Variants in PAPPA observed in about 807,000 individuals in gnomAD.
PAPPA encodes pappalysin 1.
PAPPA carries 60 observed loss-of-function variants against 164.0 expected under a neutral mutation model. The ratio of observed to expected loss-of-function variants is 0.37; its 90% CI spans 0.30 to 0.45. The LOEUF (loss-of-function observed/expected upper bound fraction) is 0.45, where lower values mean the gene tolerates loss of function less well. Ranked by LOEUF, PAPPA falls within the 20% of genes least tolerant of loss-of-function variation. The pLI, the probability that PAPPA is intolerant of heterozygous loss-of-function variation, is 1.00. For missense variants in PAPPA, 1,782 were observed against 2,087.3 expected, an observed-to-expected ratio of 0.85 and a Z score of 2.85; for synonymous variants, 875 against 814.1, an observed-to-expected ratio of 1.07 and a Z score of -1.27.
chr9:116,291,499 C>T (rs1481570563), intron 9 of PAPPA, among the ~76,000 whole-genome samples: 1 of 152,138 alleles, frequency 6.6e-6, no homozygotes, highest in African/African-American at 2.4e-5. Flanking sequence ...GGGACATCTT[C>T]AGAATCATTG....
intron 7 of PAPPA, among the ~76,000 whole-genome samples, chr9:116,263,540 C>A (rs558274101): frequency 6.6e-6 from 1 of 152,112 alleles, no homozygotes; most frequent in Non-Finnish European, 1.5e-5. Context: ...TGATAATTAA[C>A]CATTAATTGT....
intron 7 of PAPPA, among the ~76,000 whole-genome samples, chr9:116,255,784 G>T (rs888390567): frequency 2.0e-5 from 3 of 151,920 alleles, no homozygotes; most frequent in African/African-American, 7.2e-5. Flanking sequence ...AAATCTACAT[G>T]TTTGGTGAAA....
chr9:116,243,963 G>C (rs1844766312), intron 7 of PAPPA, among the ~76,000 whole-genome samples: 1 of 152,122 alleles, frequency 6.6e-6, no homozygotes, highest in Non-Finnish European at 1.5e-5. Flanking sequence ...TCCAAGCCCA[G>C]AATGAATACC....
At chr9:116,203,467 AG>A (rs1844194441) in intron 2 of PAPPA, among the ~76,000 whole-genome samples, 1 of 152,208 alleles carries the variant, frequency 6.6e-6, no homozygotes, top group African/African-American at 2.4e-5. Context: ...TGGAAAAGAC[AG>A]ATGCTCACAC....
At chr9:116,386,423 T>C (rs1846812756) in intron 21 of PAPPA, among the ~76,000 whole-genome samples, 1 of 152,222 alleles carries the variant, frequency 6.6e-6, no homozygotes, top group Admixed American at 6.5e-5. Context: ...AACTATTGCA[T>C]ATTTCAGACA....
chr9:116,326,963 A>G (rs1270047080), intron 10 of PAPPA, among the ~76,000 whole-genome samples: 1 of 152,208 alleles, frequency 6.6e-6, no homozygotes, highest in African/African-American at 2.4e-5. Flanking sequence ...TATATCACAT[A>G]TTCTTTATCC....
intron 2 of PAPPA, among the ~76,000 whole-genome samples, chr9:116,192,000 G>A (rs989016226): frequency 6.6e-6 from 1 of 152,140 alleles, no homozygotes; most frequent in South Asian, 2.1e-4. Flanking sequence ...CTGTATGGAG[G>A]GGATTTCCTG....
intron 17 of PAPPA, among the ~76,000 whole-genome samples, chr9:116,360,166 C>A (rs1417549614): frequency 6.6e-6 from 1 of 152,240 alleles, no homozygotes; most frequent in African/African-American, 2.4e-5. Context: ...AATCCAAATG[C>A]ATCACAGGCC....
At chr9:116,168,015 C>G (rs1843735260) in intron 1 of PAPPA, among the ~76,000 whole-genome samples, 1 of 152,138 alleles carries the variant, frequency 6.6e-6, no homozygotes, top group South Asian at 2.1e-4. Flanking sequence ...TGTTGACTTC[C>G]ACATCAGTGC....
chr9:116,355,438 T>G (rs1846340190), intron 17 of PAPPA, among the ~76,000 whole-genome samples: 1 of 152,154 alleles, frequency 6.6e-6, no homozygotes, highest in South Asian at 2.1e-4. Context: ...CTGAGTCCAG[T>G]AGGCACCACC....
chr9:116,221,568 A>AAG (rs1428915864), intron 5 of PAPPA, among the ~76,000 whole-genome samples: 2 of 152,178 alleles, frequency 1.3e-5, no homozygotes, highest in Non-Finnish European at 2.9e-5. Flanking sequence ...TTGGAGCTGA[A>AAG]AGAGGCTGAA....
At chr9:116,169,767 T>C (rs1424170857) in intron 1 of PAPPA, among the ~76,000 whole-genome samples, 1 of 151,116 alleles carries the variant, frequency 6.6e-6, no homozygotes, top group East Asian at 1.9e-4. Context: ...TGCCAGGAAG[T>C]TATCAGAGAG....
In PAPPA at chr9:116,382,599, A is replaced by G. The variant is rs1241810373; in HGVS notation, c.4776+106A>G. 3 of 756,268 alleles carry G rather than the reference A, an allele frequency of 4.0e-6. No individual in the cohort carries two copies. The African/African-American group carries it at 5.2e-5, about 13-fold the overall frequency. The allele number at this position is 756,268 out of a possible 1,614,324, so 46.8% of individuals were successfully genotyped here. A position where few individuals can be genotyped will look rare whatever the true frequency, so the allele number is the denominator to read the frequency against. Reference sequence around the variant, plus strand: ...GGACAACCCTTGTCCTAACTCTGCCAGCACTGTCCACACGCTTTATTTCTT... The same window carrying G: ...GGACAACCCTTGTCCTAACTCTGCCGGCACTGTCCACACGCTTTATTTCTT... On this transcript the variant is annotated intron_variant, in intron 21 of 21. Transcript: ENST00000328252.
intron 6 of PAPPA, among the ~76,000 whole-genome samples, chr9:116,233,816 CT>C (rs574645261): frequency 5.6e-4 from 84 of 150,044 alleles, no homozygotes; most frequent in Non-Finnish European, 7.1e-4. Context: ...AAGCAAAGAT[CT>C]TTTTTTTTTC....
chr9:116,224,440 T>C (rs1016178345), intron 5 of PAPPA, among the ~76,000 whole-genome samples: 1 of 152,222 alleles, frequency 6.6e-6, no homozygotes, highest in Non-Finnish European at 1.5e-5. Context: ...AAAGATGTTC[T>C]AGGCTTTCTC....
rs1354855100 is a variant in PAPPA at position 116,318,650 on chromosome 9, GC to G, written c.3148-12593del. On this transcript the variant is annotated intron_variant, in intron 10 of 21. Transcript: ENST00000328252. ...TGTGAAGTCACCCACGGACCATCTG[GC>G]TGGGGATCCCGTGTTCCTCCTCTGC... The G allele has an allele frequency of 3.9e-5, 6 of 152,276 alleles. No homozygotes were observed. The East Asian group carries it at 1.2e-3, about 29-fold the overall frequency. 9.4% of individuals were successfully genotyped at this position (152,276 alleles called of 1,614,324 possible). A position where few individuals can be genotyped will look rare whatever the true frequency, so the allele number is the denominator to read the frequency against.
intron 7 of PAPPA, among the ~76,000 whole-genome samples, chr9:116,243,984 G>T (rs1221822089): frequency 6.6e-6 from 1 of 152,110 alleles, no homozygotes; most frequent in Non-Finnish European, 1.5e-5. Flanking sequence ...ACTGCTCTTA[G>T]CTCAGGCCAG....
In PAPPA at chr9:116,315,349, G is replaced by A. The variant is rs578061266; in HGVS notation, c.3147+12399G>A. On this transcript the variant is annotated intron_variant, in intron 10 of 21. Coordinates refer to ENST00000328252, the MANE Select transcript of PAPPA (RefSeq NM_002581.5). ...CCTCCATAATCTATCCTCACCCCCG[G>A]AATGTTCACTGCACAGTGAGAAGGG... Among the ~76,000 whole-genome samples the A allele has an allele frequency of 2.0e-5, 3 of 152,248 alleles. No individual in the cohort carries two copies. In the South Asian group the frequency reaches 6.2e-4, roughly 32 times the overall value.
At chr9:116,354,036 GT>G (rs1846319609) in intron 17 of PAPPA, among the ~76,000 whole-genome samples, 1 of 152,110 alleles carries the variant, frequency 6.6e-6, no homozygotes, top group Non-Finnish European at 1.5e-5. Flanking sequence ...TAAAAGTTAA[GT>G]TCCTCAAACA....
Sources: gnomAD v4.1 joint callset for allele counts (sites outside exome capture counted in the v4.1 genomes callset) on GRCh38, gnomAD v4.1.1 for gene constraint, MANE v1.5 for transcripts, NCBI Gene and HGNC (gene_info 2026-07-23, HGNC 2026-07-21) for gene names.